Variants in FAF1 observed in about 807,000 individuals in gnomAD.
FAF1 encodes the protein Fas associated factor 1.
Under a neutral mutation model 92.5 loss-of-function variants are expected in FAF1, and 25 were observed. That is an observed-to-expected ratio of 0.27 (90% CI 0.20 to 0.38). FAF1 has a LOEUF of 0.38. Ranked by LOEUF, FAF1 falls within the 10% of genes least tolerant of loss-of-function variation. The pLI is 1.00. For missense variants in FAF1, 636 were observed against 793.3 expected (o/e 0.80, Z 2.38); for synonymous variants, 234 against 273.2 (o/e 0.86, Z 1.42).
In FAF1 at chr1:50,439,111, C is replaced by T; in HGVS notation, c.*2329G>A. ...CTGTCAACAGTTGGGCATAAGAATG[C>T]CAAGCAAATATTCAGACTGACTCAC... On this transcript the variant is annotated 3_prime_UTR_variant, in exon 19 of 19. Transcript: ENST00000396153. 1 of 152,352 alleles carries T rather than the reference C, an allele frequency of 6.6e-6. No homozygotes were observed. Among genetic ancestry groups the T allele is most frequent in the Non-Finnish European group, 1.5e-5 (1 of 68,046 alleles). 9.4% of individuals were successfully genotyped at this position (152,352 alleles called of 1,614,324 possible).
At chr1:50,844,643 T>G (rs550529746) in intron 2 of FAF1, among the ~76,000 whole-genome samples, 2 of 151,364 alleles carry the variant, frequency 1.3e-5, no homozygotes, top group African/African-American at 4.9e-5. Context: ...AGAAACTGAT[T>G]CGGGAAAAAT....
At chr1:50,799,372 C>T (rs904513915) in intron 3 of FAF1, among the ~76,000 whole-genome samples, 3 of 152,056 alleles carry the variant, frequency 2.0e-5, no homozygotes, top group African/African-American at 7.2e-5. Flanking sequence ...CAGCACACTG[C>T]CTTAAGCATT....
intron 2 of FAF1, among the ~76,000 whole-genome samples, chr1:50,849,755 C>T (rs1644332831): frequency 6.6e-6 from 1 of 152,016 alleles, no homozygotes; most frequent in African/African-American, 2.4e-5. Context: ...GTCAAAATGC[C>T]AACATGTTGG....
intron 18 of FAF1, among the ~76,000 whole-genome samples, chr1:50,447,282 C>T (rs938008702): frequency 1.7e-4 from 26 of 151,926 alleles, no homozygotes; most frequent in Non-Finnish European, 3.5e-4. Flanking sequence ...CCCGCCACCA[C>T]GCCTGGCTCA....
At chr1:50,657,199 G>A (rs1177123887) in intron 7 of FAF1, among the ~76,000 whole-genome samples, 2 of 151,534 alleles carry the variant, frequency 1.3e-5, no homozygotes, top group African/African-American at 2.4e-5. Flanking sequence ...CAGACAGAGT[G>A]AGACCCTGTC....
intron 13 of FAF1, among the ~76,000 whole-genome samples, chr1:50,555,978 T>C (rs1353080943): frequency 6.6e-6 from 1 of 151,778 alleles, no homozygotes; most frequent in African/African-American, 2.4e-5. Flanking sequence ...ATATATTATA[T>C]ATATGGTGTG....
intron 2 of FAF1, among the ~76,000 whole-genome samples, chr1:50,842,633 C>T (rs1460091726): frequency 6.6e-6 from 1 of 152,154 alleles, no homozygotes; most frequent in African/African-American, 2.4e-5. Flanking sequence ...CTTTTTCCAA[C>T]ACATTTGCTC....
intron 1 of FAF1, among the ~76,000 whole-genome samples, chr1:50,924,547 A>G (rs956838466): frequency 6.6e-6 from 1 of 152,262 alleles, no homozygotes; most frequent in African/African-American, 2.4e-5. Context: ...CTTTACAGAA[A>G]TAGAAAAAGC....
chr1:50,621,997 C>G (rs1440628975), intron 8 of FAF1, among the ~76,000 whole-genome samples: 1 of 151,854 alleles, frequency 6.6e-6, no homozygotes. Flanking sequence ...GAAACCCAGT[C>G]TCTACTAAAA....
intron 1 of FAF1, among the ~76,000 whole-genome samples, chr1:50,859,324 T>C (rs151195938): frequency 6.6e-6 from 1 of 151,736 alleles, no homozygotes; most frequent in African/African-American, 2.4e-5. Flanking sequence ...AGTCAAACTA[T>C]CTCACTTCAT....
At chr1:50,918,838 A>C (rs1001539717) in intron 1 of FAF1, among the ~76,000 whole-genome samples, 2 of 144,146 alleles carry the variant, frequency 1.4e-5, no homozygotes, top group Admixed American at 1.4e-4. Flanking sequence ...ATTTCTCCAC[A>C]TCCTCTCCAG....
intron 6 of FAF1, among the ~76,000 whole-genome samples, chr1:50,708,605 T>C (rs550567429): frequency 5.3e-5 from 8 of 151,840 alleles, no homozygotes; most frequent in African/African-American, 1.9e-4. Context: ...CAGTACCATA[T>C]AGTCAGTTTT....
intron 7 of FAF1, among the ~76,000 whole-genome samples, chr1:50,686,957 T>G (rs1350219083): frequency 6.6e-6 from 1 of 152,016 alleles, no homozygotes; most frequent in Admixed American, 6.5e-5. Context: ...GCTTCCTGAG[T>G]AGCCAGGATT....
intron 7 of FAF1, among the ~76,000 whole-genome samples, chr1:50,663,938 TA>T (rs1276062112): frequency 6.6e-6 from 1 of 151,494 alleles, no homozygotes; most frequent in Non-Finnish European, 1.5e-5. Flanking sequence ...ACCTCTTTAC[TA>T]CAGACTTCAT....
At chr1:50,839,602 T>C (rs2124642769) in intron 2 of FAF1, among the ~76,000 whole-genome samples, 1 of 152,266 alleles carries the variant, frequency 6.6e-6, no homozygotes, top group South Asian at 2.1e-4. Context: ...AGTGAGGTGT[T>C]CTACACAAGG....
intron 4 of FAF1, among the ~76,000 whole-genome samples, chr1:50,750,335 T>A (rs974066875): frequency 6.6e-6 from 1 of 152,202 alleles, no homozygotes; most frequent in Non-Finnish European, 1.5e-5. Flanking sequence ...TTTGGAACAA[T>A]ACAGAGAAGA....
At chr1:50,757,462 T>C (rs1221541351) in intron 4 of FAF1, among the ~76,000 whole-genome samples, 3 of 152,222 alleles carry the variant, frequency 2.0e-5, no homozygotes, top group African/African-American at 2.4e-5. Flanking sequence ...AGGATACTTA[T>C]GTCTTCTTGA....
At chr1:50,711,458 A>G (rs1454581780) in intron 6 of FAF1, among the ~76,000 whole-genome samples, 1 of 142,568 alleles carries the variant, frequency 7.0e-6, no homozygotes. Context: ...TGTTATCCAC[A>G]CTGACTTTTT....
At chr1:50,501,865 A>T (rs1646992541) in intron 15 of FAF1, among the ~76,000 whole-genome samples, 1 of 152,188 alleles carries the variant, frequency 6.6e-6, no homozygotes, top group South Asian at 2.1e-4. Context: ...GTTACCCAAG[A>T]CAAATGACCA....
Sources: gnomAD v4.1 joint callset for allele counts (sites outside exome capture counted in the v4.1 genomes callset) on GRCh38, gnomAD v4.1.1 for gene constraint, MANE v1.5 for transcripts, NCBI Gene and HGNC (gene_info 2026-07-23, HGNC 2026-07-21) for gene names.